MBP: variants seen among roughly 807,000 people sequenced by gnomAD.
MBP encodes Golli-MBP.
MBP carries 16 observed loss-of-function variants against 35.8 expected under a neutral mutation model. That is an observed-to-expected ratio of 0.45 (90% CI 0.30 to 0.68). The LOEUF (loss-of-function observed/expected upper bound fraction) is 0.68, where lower values mean the gene tolerates loss of function less well. Ranked by LOEUF, MBP falls within the 30% of genes least tolerant of loss-of-function variation. The probability of loss-of-function intolerance (pLI) is 0.08; values close to 1 mark genes in which losing one functional copy is unlikely to be tolerated. For synonymous variants in MBP, 143 were observed against 159.6 expected (o/e 0.90, Z 0.78); for missense variants, 380 against 404.7 (o/e 0.94, Z 0.52).
rs1378475186 is a variant in MBP at position 76,988,718 on chromosome 18, A to C, written c.717+159T>G. 7.5e-7 allele frequency: 1 copy of C among 1,327,122 alleles called. No homozygotes were observed. Among genetic ancestry groups the C allele is most frequent in the Non-Finnish European group, 1.0e-6 (1 of 962,962 alleles). 82.2% of individuals were successfully genotyped at this position (1,327,122 alleles called of 1,614,324 possible). A position where few individuals can be genotyped will look rare whatever the true frequency, so the allele number is the denominator to read the frequency against. ...GGTGCGGGAGGGACAGGAGGGGTGC[A>C]TGGATCTGCCGACCTGTTCTACTTG... On this transcript the variant is annotated intron_variant, in intron 6 of 8. Coordinates refer to ENST00000355994, the MANE Select transcript of MBP (RefSeq NM_001025101.2). The surrounding 1 kb of genome is among the most constrained non-coding windows in gnomAD (Gnocchi z 5.2).
At chr18:77,091,560 C>T (rs1015830738) in intron 2 of MBP, among the ~76,000 whole-genome samples, 2 of 151,742 alleles carry the variant, frequency 1.3e-5, no homozygotes, top group African/African-American at 4.8e-5. Flanking sequence ...GCACTCGCCA[C>T]GGATGACGTC....
chr18:77,104,267 C>T (rs563031253), intron 2 of MBP, among the ~76,000 whole-genome samples: 6 of 152,232 alleles, frequency 3.9e-5, no homozygotes, highest in South Asian at 2.1e-4. Flanking sequence ...CTGTAGAGCC[C>T]GGAGAGCTTT....
intron 7 of MBP, chr18:76,985,807 G>T: frequency 4.0e-6 from 4 of 989,080 alleles, no homozygotes; most frequent in Non-Finnish European, 4.8e-6. Context: ...TCATGGAGAT[G>T]CCACTCCTCA....
chr18:76,992,686 TC>T (rs1970008635), intron 4 of MBP, among the ~76,000 whole-genome samples: 2 of 152,160 alleles, frequency 1.3e-5, no homozygotes, highest in East Asian at 1.9e-4. Context: ...AACATGGATG[TC>T]CCTCTCCTTC....
At chr18:77,009,038 G>A (rs1413462801) in intron 4 of MBP, among the ~76,000 whole-genome samples, 2 of 152,224 alleles carry the variant, frequency 1.3e-5, no homozygotes, top group African/African-American at 4.8e-5. Flanking sequence ...CCAATCTTTT[G>A]CACATTCCCA....
chr18:77,082,854 A>G (rs1041355514), intron 2 of MBP, among the ~76,000 whole-genome samples: 45 of 152,278 alleles, frequency 3.0e-4, no homozygotes, highest in African/African-American at 9.4e-4. Flanking sequence ...GGTCTAGGGA[A>G]TGCCATGTGG....
chr18:77,025,357 C>T (rs990863157), intron 3 of MBP, among the ~76,000 whole-genome samples: 4 of 152,174 alleles, frequency 2.6e-5, no homozygotes, highest in African/African-American at 7.2e-5. Flanking sequence ...TCTGATCTGT[C>T]GGGAGCCAAG....
rs1969801492 is a variant in MBP at position 76,989,990 on chromosome 18, T to A, written c.647A>T (p.Asp216Val). ...GAAGAAGTGGACTACGGGGTTTTCA[T>A]CTTGGGTCCGGCCGTGTGACTTCTG... is the stretch of plus-strand genomic sequence containing the variant. ...LPQKSHGRTQDENPVVHFFKN... is the reference protein window; with the variant it reads ...LPQKSHGRTQVENPVVHFFKN... The change falls in exon 5 of 9, where the codon GAT (aspartate) becomes GTT (valine). Residue 216 changes from aspartate to valine, a missense_variant. By Grantham distance (152) the Asp-to-Val change is radical (BLOSUM62 -3). Coordinates refer to ENST00000355994, the MANE Select transcript of MBP (RefSeq NM_001025101.2). This position sits in a 1 kb window ranked among gnomAD's most constrained non-coding sequence, Gnocchi z 4.0. The A allele has an allele frequency of 4.3e-6, 7 of 1,612,534 alleles. 1 individual carries two copies. Among genetic ancestry groups the A allele is most frequent in the Non-Finnish European group, 5.9e-6 (7 of 1,179,986 alleles).
At chr18:76,982,488 T>C (rs892860871) in intron 8 of MBP, 15 of 152,414 alleles carry the variant, frequency 9.8e-5, no homozygotes, top group African/African-American at 2.6e-4. Context: ...TCGTGGAAAC[T>C]AATGCACATG....
intron 3 of MBP, among the ~76,000 whole-genome samples, chr18:77,021,036 G>A (rs1971966932): frequency 1.3e-5 from 2 of 152,220 alleles, no homozygotes; most frequent in African/African-American, 4.8e-5. Flanking sequence ...GGGATGTTAA[G>A]TTGTTAAACT....
intron 2 of MBP, among the ~76,000 whole-genome samples, chr18:77,079,964 G>T (rs1974825555): frequency 6.6e-6 from 1 of 152,180 alleles, no homozygotes; most frequent in Non-Finnish European, 1.5e-5. Context: ...CAAGAAGCGA[G>T]AATCAAGTCT....
chr18:77,132,787 G>T (rs961217081), upstream of MBP: 1 of 152,226 alleles, frequency 6.6e-6, no homozygotes, highest in South Asian at 2.1e-4. Context: ...GGTGACTGAC[G>T]GCGGCGGCTC....
intron 4 of MBP, among the ~76,000 whole-genome samples, chr18:76,993,280 T>C (rs1970056495): frequency 6.6e-6 from 1 of 152,198 alleles, no homozygotes; most frequent in Admixed American, 6.5e-5. Context: ...TGGCTGGGTG[T>C]GGTGGCTCGT....
chr18:77,050,692 C>A (rs1335413831), intron 3 of MBP, among the ~76,000 whole-genome samples: 1 of 152,144 alleles, frequency 6.6e-6, no homozygotes, highest in Non-Finnish European at 1.5e-5. Context: ...AATTATAGGA[C>A]GTGCCATCAC....
intron 2 of MBP, among the ~76,000 whole-genome samples, chr18:77,087,185 G>C (rs1263500530): frequency 3.3e-5 from 5 of 152,182 alleles, no homozygotes; most frequent in Non-Finnish European, 7.3e-5. Flanking sequence ...ACCCATCCAG[G>C]AGGCGAAATA....
chr18:77,013,961 G>A (rs556600549), intron 4 of MBP: 2 of 985,270 alleles, frequency 2.0e-6, no homozygotes, highest in Non-Finnish European at 2.4e-6. Flanking sequence ...TGCTGGAGAG[G>A]TCACTTAGAG....
intron 3 of MBP, among the ~76,000 whole-genome samples, chr18:77,054,736 G>A (rs183935549): frequency 3.7e-4 from 56 of 152,268 alleles, no homozygotes; most frequent in Middle Eastern, 3.4e-3. Flanking sequence ...CCCTGTTAGC[G>A]GCGGGTGACA....
At chr18:77,012,083 C>T (rs535940099) in intron 4 of MBP, among the ~76,000 whole-genome samples, 15 of 152,310 alleles carry the variant, frequency 9.8e-5, no homozygotes, top group African/African-American at 2.4e-4. Flanking sequence ...TGAGTTAAGA[C>T]GAGGGTCTGA....
Position 77,090,056 on chromosome 18 carries a change from C to T in MBP, c.51+15155G>A, listed in dbSNP as rs185111183. Among the ~76,000 whole-genome samples, 93 of 152,256 alleles carry T rather than the reference C, an allele frequency of 6.1e-4. No individual in the cohort carries two copies. In the East Asian group the frequency reaches 0.014, roughly 23 times the overall value. ...GCTTTGCAGGTGCAGGTGAAGGCAG[C>T]GGCCTTCTGTGCAGTGTGGCCTTGC... On this transcript the variant is annotated intron_variant, in intron 2 of 8. Coordinates refer to ENST00000355994, the MANE Select transcript of MBP (RefSeq NM_001025101.2).
Sources: allele counts gnomAD v4.1 joint callset (sites outside exome capture counted in the v4.1 genomes callset), GRCh38; gene constraint gnomAD v4.1.1; non-coding constraint Gnocchi (gnomAD v3.1); transcripts MANE v1.5; gene names NCBI Gene and HGNC (gene_info 2026-07-23, HGNC 2026-07-21).